TSPAN9: variants seen among roughly 807,000 people sequenced by gnomAD.
The protein encoded by TSPAN9 is tetraspanin 9.
A neutral mutation model predicts 31.0 loss-of-function variants in TSPAN9; 16 were observed. The ratio of observed to expected loss-of-function variants is 0.52; its 90% CI spans 0.35 to 0.78. TSPAN9 has a LOEUF of 0.78. Among genes scored for constraint, TSPAN9 ranks in the 30% least tolerant of loss-of-function variants. The pLI is 0.01. For synonymous variants in TSPAN9, 145 were observed against 121.6 expected, an observed-to-expected ratio of 1.19 and a Z score of -1.27; for missense variants, 272 against 312.5, an observed-to-expected ratio of 0.87 and a Z score of 0.98.
At chr12:3,112,676 CTTTTTT>C (rs765040711) in intron 2 of TSPAN9, among the ~76,000 whole-genome samples, 1 of 88,502 alleles carries the variant, frequency 1.1e-5, no homozygotes, top group African/African-American at 4.7e-5. Flanking sequence ...TTTATTTTTG[CTTTTTT>C]TTTTTTTTTT....
At chr12:3,275,577 T>C (rs1862767157) in intron 3 of TSPAN9, among the ~76,000 whole-genome samples, 1 of 152,274 alleles carries the variant, frequency 6.6e-6, no homozygotes, top group Non-Finnish European at 1.5e-5. Flanking sequence ...GATGAAAGTT[T>C]CAGCCATCGC....
In TSPAN9 at chr12:3,187,786, G is replaced by A. The variant is rs374842654; in HGVS notation, c.-17-13391G>A. On this transcript the variant is annotated intron_variant, in intron 2 of 8. Coordinates refer to ENST00000011898, the MANE Select transcript of TSPAN9 (RefSeq NM_006675.5). This position sits in a 1 kb window ranked among gnomAD's most constrained non-coding sequence, Gnocchi z 5.2. ...TTTGGATGCCATGCAAGCCCAACAC[G>A]TACCCCTTCTCCAAGAAGCCCTTCC... Among the ~76,000 whole-genome samples, 9 of 151,978 alleles carry A rather than the reference G, an allele frequency of 5.9e-5. No homozygotes were observed. The highest frequency in any genetic ancestry group is 1.9e-4 in the African/African-American group (8 of 41,366).
Position 3,117,988 on chromosome 12 carries a change from G to C in TSPAN9, c.-18+34269G>C, listed in dbSNP as rs896983484. Among the ~76,000 whole-genome samples, 11 of 152,228 alleles carry C rather than the reference G, an allele frequency of 7.2e-5. No homozygotes were observed. In the East Asian group the frequency reaches 2.1e-3, roughly 29 times the overall value. ...GCATGTGTGGTAAGAGGCAGTGCAG[G>C]GAGGTGGTTAGTGCCCCATGCCAGG... is the stretch of plus-strand genomic sequence containing the variant. On this transcript the variant is annotated intron_variant, in intron 2 of 8. Coordinates refer to ENST00000011898, the MANE Select transcript of TSPAN9 (RefSeq NM_006675.5).
intron 2 of TSPAN9, among the ~76,000 whole-genome samples, chr12:3,114,054 C>T (rs1239081992): frequency 6.6e-6 from 1 of 152,182 alleles, no homozygotes; most frequent in Non-Finnish European, 1.5e-5. Flanking sequence ...CTTAATCATC[C>T]CTTCTCCTCT....
intron 2 of TSPAN9, among the ~76,000 whole-genome samples, chr12:3,183,945 A>G (rs2098359743): frequency 6.6e-6 from 1 of 151,908 alleles, no homozygotes; most frequent in Admixed American, 6.6e-5. Context: ...AACAGCATAC[A>G]TTTTTCTATA....
At chr12:3,282,188 G>C (rs921845256) in intron 8 of TSPAN9, 7 of 594,416 alleles carry the variant, frequency 1.2e-5, no homozygotes, top group Non-Finnish European at 2.1e-5. Context: ...CACACTCTCT[G>C]TGGTGACCGT....
intron 3 of TSPAN9, among the ~76,000 whole-genome samples, chr12:3,201,699 A>G (rs1345351061): frequency 6.6e-6 from 1 of 152,220 alleles, no homozygotes; most frequent in Non-Finnish European, 1.5e-5. Context: ...CAAGAATACA[A>G]TCTGCAGCAT....
chr12:3,190,380 G>A lies in TSPAN9; in HGVS notation c.-17-10797G>A, dbSNP rs1367707061. 3.3e-5 allele frequency among the ~76,000 whole-genome samples: 5 copies of A among 152,328 alleles called. No homozygotes were observed. The East Asian group carries it at 7.7e-4, about 23-fold the overall frequency. On this transcript the variant is annotated intron_variant, in intron 2 of 8. Transcript: ENST00000011898. ...CGGTCTGCCTTATCTCATCCTCCCC[G>A]CAGCCACCTGCCTTCCTTGATAAGT...
chr12:3,246,142 A>G (rs200046063), intron 3 of TSPAN9, among the ~76,000 whole-genome samples: 1 of 139,126 alleles, frequency 7.2e-6, no homozygotes, highest in African/African-American at 2.5e-5. Context: ...GATGAAGGGG[A>G]ACAGGCACTA....
At chr12:3,272,047 G>A (rs971300334) in intron 3 of TSPAN9, among the ~76,000 whole-genome samples, 7 of 152,142 alleles carry the variant, frequency 4.6e-5, no homozygotes, top group African/African-American at 1.7e-4. Flanking sequence ...CCTGGCCTTG[G>A]CTCATAGAAA....
intron 3 of TSPAN9, among the ~76,000 whole-genome samples, chr12:3,248,606 C>T (rs1403525785): frequency 8.6e-6 from 1 of 115,698 alleles, no homozygotes; most frequent in African/African-American, 2.5e-5. Context: ...ACACTCATTC[C>T]TTACAGTGAG....
rs137903920 is a variant in TSPAN9 at position 3,186,682 on chromosome 12, C to T, written c.-17-14495C>T. 7.3e-3 allele frequency among the ~76,000 whole-genome samples: 1,112 copies of T among 152,174 alleles called. 18 individuals are homozygous for T. Among genetic ancestry groups the T allele is most frequent in the African/African-American group, 0.025 (1,046 of 41,476 alleles). On this transcript the variant is annotated intron_variant, in intron 2 of 8. Transcript: ENST00000011898. Reference sequence around the variant, plus strand: ...GTGGCATGGTCTCACTTAAGAGACACGATCACTGTAGTATAAGAGCTAATT... The same window carrying T: ...GTGGCATGGTCTCACTTAAGAGACATGATCACTGTAGTATAAGAGCTAATT...
intron 3 of TSPAN9, among the ~76,000 whole-genome samples, chr12:3,242,327 G>A (rs925112240): frequency 7.9e-5 from 12 of 152,370 alleles, no homozygotes; most frequent in Non-Finnish European, 1.5e-4. Flanking sequence ...TGGTGTGGGT[G>A]TGGCCCAGGC....
At chr12:3,087,792 C>T (rs139423843) in intron 2 of TSPAN9, among the ~76,000 whole-genome samples, 17 of 151,952 alleles carry the variant, frequency 1.1e-4, no homozygotes, top group African/African-American at 3.6e-4. Flanking sequence ...GCAACAGAGC[C>T]AAGACTCCAT....
chr12:3,259,324 G>A (rs1862406995), intron 3 of TSPAN9, among the ~76,000 whole-genome samples: 1 of 152,152 alleles, frequency 6.6e-6, no homozygotes, highest in African/African-American at 2.4e-5. Context: ...CAGGATCCTG[G>A]TGATGCTCTA....
chr12:3,197,204 AAACAGG>A (rs1348031132), intron 2 of TSPAN9, among the ~76,000 whole-genome samples: 1 of 152,226 alleles, frequency 6.6e-6, no homozygotes, highest in Non-Finnish European at 1.5e-5. Context: ...TCAAAGTGAA[AAACAGG>A]TCTCTTGACT....
rs1161380085 is a variant in TSPAN9, at chr12:3,078,740, G to A, written c.-85+1287G>A. Reference sequence around the variant, plus strand: ...TAATTCAGTTCTACTCTCACTCACTGAAGACGCCCTGTGTGCAAGTCCCTG... The same window carrying A: ...TAATTCAGTTCTACTCTCACTCACTAAAGACGCCCTGTGTGCAAGTCCCTG... On this transcript the variant is annotated intron_variant, in intron 1 of 8. Transcript: ENST00000011898. 3.3e-5 allele frequency among the ~76,000 whole-genome samples: 5 copies of A among 151,984 alleles called. No homozygotes were observed. In the East Asian group the frequency reaches 5.8e-4, roughly 18 times the overall value.
At chr12:3,253,469 C>T (rs1225470142) in intron 3 of TSPAN9, among the ~76,000 whole-genome samples, 3 of 152,180 alleles carry the variant, frequency 2.0e-5, no homozygotes, top group South Asian at 2.1e-4. Context: ...CCCACCTCCT[C>T]ATAGGTTGTG....
In TSPAN9 at chr12:3,233,020, T is replaced by A. The variant is rs1002650286; in HGVS notation, c.63+31764T>A. 2.6e-5 allele frequency among the ~76,000 whole-genome samples: 4 copies of A among 152,208 alleles called. No individual in the cohort carries two copies. The South Asian group carries it at 8.3e-4, about 32-fold the overall frequency. On this transcript the variant is annotated intron_variant, in intron 3 of 8. Transcript: ENST00000011898. ...CCTCTGTCTACATACTCTCTATTCC[T>A]TCTCAGGCTTTTCAGGTGCCTTTGC...
Sources: allele counts gnomAD v4.1 joint callset (sites outside exome capture counted in the v4.1 genomes callset), GRCh38; gene constraint gnomAD v4.1.1; non-coding constraint Gnocchi (gnomAD v3.1); transcripts MANE v1.5; gene names NCBI Gene and HGNC (gene_info 2026-07-23, HGNC 2026-07-21).